Variants in METTL15 observed in about 807,000 individuals in gnomAD.
METTL15 encodes 12S rRNA N(4)-cytidine methyltransferase METTL15.
A neutral mutation model predicts 38.3 loss-of-function variants in METTL15; 34 were observed. The observed-to-expected ratio is 0.89, with a 90% CI of 0.68 to 1.18. The LOEUF is 1.18. Ranked by LOEUF, METTL15 falls within the 50% of genes most tolerant of loss-of-function variation. METTL15 has a pLI of 0.00. For synonymous variants in METTL15, 162 were observed against 170.9 expected, an observed-to-expected ratio of 0.95 and a Z score of 0.41; for missense variants, 438 against 498.4, an observed-to-expected ratio of 0.88 and a Z score of 1.15.
chr11:28,207,648 C>T (rs1331670090), intron 3 of METTL15, among the ~76,000 whole-genome samples: 1 of 152,144 alleles, frequency 6.6e-6, no homozygotes, highest in Non-Finnish European at 1.5e-5. Context: ...AGGATTCCCT[C>T]TTTTTCTATA....
At chr11:28,121,458 AAAG>A (rs1255417062) in intron 3 of METTL15, among the ~76,000 whole-genome samples, 1 of 152,154 alleles carries the variant, frequency 6.6e-6, no homozygotes, top group Admixed American at 6.5e-5. Context: ...ATAGATTTAG[AAAG>A]AAGAAATTTT....
intron 5 of METTL15, among the ~76,000 whole-genome samples, chr11:28,387,297 G>C (rs1023078578): frequency 1.3e-5 from 2 of 151,628 alleles, no homozygotes; most frequent in Admixed American, 6.6e-5. Context: ...CAACAAAATT[G>C]ACAAACTCTT....
intron 3 of METTL15, among the ~76,000 whole-genome samples, chr11:28,114,269 A>G (rs1034211861): frequency 2.0e-5 from 3 of 151,990 alleles, no homozygotes; most frequent in South Asian, 2.1e-4. Flanking sequence ...TTTACTCAGC[A>G]TGTTTTCAGG....
chr11:28,448,247 G>A (rs1296709727), intron 6 of METTL15, among the ~76,000 whole-genome samples: 4 of 152,082 alleles, frequency 2.6e-5, no homozygotes, highest in Admixed American at 2.6e-4. Flanking sequence ...AGTATTTGTT[G>A]GTATCTTTGT....
At chr11:28,308,952 G>A (rs1857178561) in intron 6 of METTL15, among the ~76,000 whole-genome samples, 1 of 151,756 alleles carries the variant, frequency 6.6e-6, no homozygotes, top group Non-Finnish European at 1.5e-5. Context: ...AGGCATGGAT[G>A]GCAAGATGGA....
intron 4 of METTL15, among the ~76,000 whole-genome samples, chr11:28,221,247 G>C (rs1470199552): frequency 2.0e-5 from 3 of 152,046 alleles, no homozygotes; most frequent in Non-Finnish European, 4.4e-5. Flanking sequence ...TTTCTTGGAG[G>C]CTTTGTTCAT....
chr11:28,493,605 C>G (rs533419979), intron 6 of METTL15, among the ~76,000 whole-genome samples: 1 of 152,258 alleles, frequency 6.6e-6, no homozygotes, highest in East Asian at 1.9e-4. Context: ...GCTTTCATTA[C>G]CTTGTTTTGA....
At chr11:28,378,442 C>A (rs1304829753) in intron 5 of METTL15, among the ~76,000 whole-genome samples, 3 of 152,212 alleles carry the variant, frequency 2.0e-5, no homozygotes, top group Non-Finnish European at 4.4e-5. Flanking sequence ...TCACCCCTTT[C>A]TTTGATTAGG....
intron 5 of METTL15, among the ~76,000 whole-genome samples, chr11:28,416,838 T>G (rs765852377): frequency 6.6e-6 from 1 of 152,170 alleles, no homozygotes; most frequent in Non-Finnish European, 1.5e-5. Flanking sequence ...GGGTAGAAAC[T>G]TAGCTGAAAA....
chr11:28,167,488 G>T (rs1850697432), intron 3 of METTL15, among the ~76,000 whole-genome samples: 1 of 152,066 alleles, frequency 6.6e-6, no homozygotes, highest in African/African-American at 2.4e-5. Flanking sequence ...TACCACCGTA[G>T]TACTTTTTTC....
At chr11:28,132,432 C>CCAAAGGTAAGG in intron 3 of METTL15, among the ~76,000 whole-genome samples, 1 of 151,920 alleles carries the variant, frequency 6.6e-6, no homozygotes, top group South Asian at 2.1e-4. Context: ...CCAATTTGTT[C>CCAAAGGTAAGG]TTGTCCCTTA....
In METTL15 at chr11:28,111,172, T is replaced by G. The variant is rs1204460064; in HGVS notation, c.-18+771T>G. Among the ~76,000 whole-genome samples the G allele has an allele frequency of 7.2e-5, 11 of 152,236 alleles. No individual in the cohort carries two copies. In the South Asian group the frequency reaches 1.9e-3, roughly 26 times the overall value. ...AAGTTGGCAGGCAATTAGTTCATAA[T>G]AAAATATTCAGGCTTTGTGCCTTGA... On this transcript the variant is annotated intron_variant, in intron 2 of 6. Coordinates refer to ENST00000407364, the MANE Select transcript of METTL15 (RefSeq NM_001113528.2).
chr11:28,220,401 T>A (rs910782312), intron 4 of METTL15, among the ~76,000 whole-genome samples: 1 of 152,218 alleles, frequency 6.6e-6, no homozygotes, highest in African/African-American at 2.4e-5. Context: ...TTTTTTTGTT[T>A]TCCATTTGCT....
At chr11:28,182,849 T>A (rs958445897) in intron 3 of METTL15, among the ~76,000 whole-genome samples, 2 of 152,052 alleles carry the variant, frequency 1.3e-5, no homozygotes, top group African/African-American at 4.8e-5. Flanking sequence ...CTTTGGGGAG[T>A]ATGGCCATTT....
chr11:28,312,180 T>A (rs1857327289), intron 6 of METTL15, among the ~76,000 whole-genome samples: 1 of 152,230 alleles, frequency 6.6e-6, no homozygotes, highest in Admixed American at 6.5e-5. Flanking sequence ...TAATAAGCTG[T>A]AAGCTTGGAA....
intron 4 of METTL15, among the ~76,000 whole-genome samples, chr11:28,228,476 A>G (rs956829785): frequency 2.6e-5 from 4 of 151,966 alleles, no homozygotes; most frequent in African/African-American, 9.7e-5. Context: ...TGAGTCATGA[A>G]ATCATTTTGT....
At chr11:28,459,762 T>A (rs1851198945) in intron 6 of METTL15, among the ~76,000 whole-genome samples, 1 of 152,206 alleles carries the variant, frequency 6.6e-6, no homozygotes, top group African/African-American at 2.4e-5. Flanking sequence ...ACCTCATTTT[T>A]CTTCTTTTTC....
chr11:28,189,728 T>G (rs141782465), intron 3 of METTL15, among the ~76,000 whole-genome samples: 1 of 151,378 alleles, frequency 6.6e-6, no homozygotes, highest in Admixed American at 6.6e-5. Context: ...CCTGTGGTGA[T>G]TAGTTAGCCA....
chr11:28,287,607 G>C (rs1229037629), intron 4 of METTL15: 2 of 227,198 alleles, frequency 8.8e-6, no homozygotes, highest in Admixed American at 4.5e-5. Context: ...GCATCAGCCA[G>C]GACATCCATG....
Sources: gnomAD v4.1 joint callset for allele counts (sites outside exome capture counted in the v4.1 genomes callset) on GRCh38, gnomAD v4.1.1 for gene constraint, MANE v1.5 for transcripts, NCBI Gene and HGNC (gene_info 2026-07-23, HGNC 2026-07-21) for gene names.